BRWD1: variants seen among roughly 807,000 people sequenced by gnomAD.
The protein encoded by BRWD1 is bromodomain and WD repeat domain containing 1.
BRWD1 carries 82 observed loss-of-function variants against 251.2 expected under a neutral mutation model. The ratio of observed to expected loss-of-function variants is 0.33; its 90% confidence interval spans 0.27 to 0.39. The LOEUF is 0.39. BRWD1 is among the 10% of genes least tolerant of loss of function. The pLI, the probability that BRWD1 is intolerant of heterozygous loss-of-function variation, is 1.00. For missense variants in BRWD1, 2,233 were observed against 2,711.6 expected (o/e 0.82, Z 3.92); for synonymous variants, 918 against 902.8 (o/e 1.02, Z -0.30).
Position 39,187,440 on chromosome 21 carries a change from T to C in BRWD1, c.*8819A>G, listed in dbSNP as rs755728574. On this transcript the variant is annotated 3_prime_UTR_variant, in exon 41 of 41. Coordinates refer to ENST00000342449, the MANE Select transcript of BRWD1 (RefSeq NM_033656.4). ...ATTCTGAAAAATGAGTGAAAGTTCA[T>C]GTAAATGCAAAAATCTTGTAACACA... The C allele has an allele frequency of 1.1e-5, 17 of 1,530,330 alleles. No individual in the cohort carries two copies. In the East Asian group the frequency reaches 2.3e-4, roughly 21 times the overall value. 94.8% of individuals were successfully genotyped at this position (1,530,330 alleles called of 1,614,324 possible).
At chr21:39,259,245 T>C (rs2034661759) in intron 17 of BRWD1, among the ~76,000 whole-genome samples, 1 of 152,172 alleles carries the variant, frequency 6.6e-6, no homozygotes, top group South Asian at 2.1e-4. Flanking sequence ...CAAATTACTC[T>C]CTTAGATATG....
At chr21:39,285,979 G>A (rs182507307) in intron 8 of BRWD1, among the ~76,000 whole-genome samples, 2 of 144,626 alleles carry the variant, frequency 1.4e-5, no homozygotes, top group East Asian at 4.0e-4. Context: ...TCCTAGGGGA[G>A]ATAAAAATTC....
rs750059086 is a variant in BRWD1, at chr21:39,199,148, A to AG, written c.5267dup (p.Glu1757Ter). 203 of 1,614,088 alleles carry AG rather than the reference A, an allele frequency of 1.3e-4. No homozygotes were observed. The highest frequency in any genetic ancestry group is 2.9e-4 in the South Asian group (26 of 91,080). ...AATCATGACTTTTAGAGTCTTCCTC[A>AG]GAAGACTCTATTTTAAGAAATTTTG... is the stretch of plus-strand genomic sequence containing the variant. On this transcript the variant is annotated frameshift_variant, in exon 40 of 41. Coordinates refer to ENST00000342449, the MANE Select transcript of BRWD1 (RefSeq NM_033656.4). LOFTEE classifies it high-confidence loss of function.
chr21:39,280,015 A>G (rs918039016), intron 9 of BRWD1, 133 bp downstream of exon 9: 2 of 601,976 alleles, frequency 3.3e-6, no homozygotes, highest in African/African-American at 3.9e-5. Flanking sequence ...TGCTGTATAT[A>G]ATAAAAATTA....
upstream of BRWD1, chr21:39,314,275 G>A (rs1487862103): frequency 2.2e-6 from 1 of 455,976 alleles, no homozygotes; most frequent in South Asian, 1.5e-5. Flanking sequence ...CGGCGCTGAA[G>A]GCTGCCGAGA....
chr21:39,276,915 G>A (rs956374319), intron 11 of BRWD1, among the ~76,000 whole-genome samples: 5 of 152,110 alleles, frequency 3.3e-5, no homozygotes, highest in Non-Finnish European at 7.4e-5. Flanking sequence ...TTGCTTGTAT[G>A]CTTAAATTAA....
rs943172677 is a variant in BRWD1, at chr21:39,187,654, G to A, written c.*8605C>T. On this transcript the variant is annotated 3_prime_UTR_variant, in exon 41 of 41. Transcript: ENST00000342449. ...ACAGTAGCAGACTTGTAAGAATGGG[G>A]TGAAAAGTTCCTTCAGCATCGGCAT... 2.0e-6 allele frequency: 2 copies of A among 985,226 alleles called. No homozygotes were observed. The highest frequency in any genetic ancestry group is 1.2e-4 in the Admixed American group (2 of 16,266). The allele number at this position is 985,226 out of a possible 1,614,324, so 61.0% of individuals were successfully genotyped here.
intron 1 of BRWD1, 61 bp from the exon 2 acceptor site, chr21:39,313,360 G>A: frequency 6.8e-7 from 1 of 1,479,266 alleles, no homozygotes; most frequent in Non-Finnish European, 9.0e-7. Context: ...ACGGGGCCAG[G>A]GGAGCCGGGG....
upstream of BRWD1, chr21:39,314,282 G>A (rs1403017575): frequency 4.4e-6 from 2 of 455,852 alleles, no homozygotes; most frequent in East Asian, 6.9e-5. Context: ...GAAGGCTGCC[G>A]AGACCCAGCC....
Position 39,189,628 on chromosome 21 carries a change from G to GA in BRWD1, c.*6630dup. Reference sequence around the variant, plus strand: ...TCTTAAGTCTTAGACAATAAAACAGGAATTTCAGAGAATAAGGATAAAAAC... The same window carrying GA: ...TCTTAAGTCTTAGACAATAAAACAGGAAATTTCAGAGAATAAGGATAAAAAC... On this transcript the variant is annotated 3_prime_UTR_variant, in exon 41 of 41. Transcript: ENST00000342449. 4 of 980,782 alleles carry GA rather than the reference G, an allele frequency of 4.1e-6. No individual in the cohort carries two copies. Among genetic ancestry groups the GA allele is most frequent in the Non-Finnish European group, 4.8e-6 (4 of 825,766 alleles). 60.8% of individuals were successfully genotyped at this position (980,782 alleles called of 1,614,324 possible).
intron 20 of BRWD1, among the ~76,000 whole-genome samples, chr21:39,250,106 G>C (rs1314905498): frequency 6.6e-6 from 1 of 152,100 alleles, no homozygotes; most frequent in African/African-American, 2.4e-5. Flanking sequence ...TATATGTAGG[G>C]GACTCCCTCG....
chr21:39,251,346 T>C (rs2034386389), intron 19 of BRWD1, among the ~76,000 whole-genome samples: 1 of 152,138 alleles, frequency 6.6e-6, no homozygotes, highest in Non-Finnish European at 1.5e-5. Context: ...ACAAAAAGAT[T>C]ATGTTATTGT....
intron 37 of BRWD1, among the ~76,000 whole-genome samples, chr21:39,204,310 C>T (rs1169582376): frequency 6.6e-6 from 1 of 150,958 alleles, no homozygotes; most frequent in African/African-American, 2.4e-5. Context: ...AGTGTAGTCC[C>T]CAGAGCAACC....
At chr21:39,239,234 T>C (rs544923832) in intron 21 of BRWD1, among the ~76,000 whole-genome samples, 1 of 152,330 alleles carries the variant, frequency 6.6e-6, no homozygotes, top group South Asian at 2.1e-4. Flanking sequence ...GCTTTTGATA[T>C]TGTATCTAAA....
At chr21:39,217,867 G>A (rs1304255584) in intron 31 of BRWD1, among the ~76,000 whole-genome samples, 2 of 151,932 alleles carry the variant, frequency 1.3e-5, no homozygotes, top group African/African-American at 4.8e-5. Flanking sequence ...CATTACTAAA[G>A]TACCAGTGAA....
intron 4 of BRWD1, among the ~76,000 whole-genome samples, chr21:39,303,519 C>CAAAA (rs34013314): frequency 2.2e-5 from 2 of 91,724 alleles, no homozygotes; most frequent in Non-Finnish European, 4.0e-5. Flanking sequence ...ACTCCATCTC[C>CAAAA]AAAAAAAAAA....
chr21:39,209,893 TATTAC>T (rs2032580991), intron 36 of BRWD1, 97 bp downstream of exon 36: 3 of 1,172,834 alleles, frequency 2.6e-6, no homozygotes, highest in Non-Finnish European at 3.6e-6. Flanking sequence ...TTCTAACCTC[TATTAC>T]ACAGTGGAAA....
In BRWD1 at chr21:39,280,189, T is replaced by C. The variant is rs2035412969; in HGVS notation, c.891A>G (p.Thr297=). 1.2e-6 allele frequency: 2 copies of C among 1,607,446 alleles called. No homozygotes were observed. The highest frequency in any genetic ancestry group is 8.5e-7 in the Non-Finnish European group (1 of 1,178,130). ...CTAAATCCCATTGCCAAAAGCAAACTGTCCCATCAGCACCAGTGGAAACCA... is the reference window on the plus strand; with the variant it reads ...CTAAATCCCATTGCCAAAAGCAAACCGTCCCATCAGCACCAGTGGAAACCA... ...RYMVSTGADG[T]VCFWQWDLES... is the part of the protein sequence containing the mutation. The change falls in exon 9 of 41, where the codon ACA becomes ACG. Residue 297 remains threonine, a synonymous_variant. Coordinates refer to ENST00000342449, the MANE Select transcript of BRWD1 (RefSeq NM_033656.4).
chr21:39,301,403 A>G (rs1290112917), intron 4 of BRWD1, among the ~76,000 whole-genome samples: 1 of 152,156 alleles, frequency 6.6e-6, no homozygotes, highest in African/African-American at 2.4e-5. Flanking sequence ...TCTTTTGATA[A>G]CTCAAGCTAT....
Sources: gnomAD v4.1 joint callset for allele counts (sites outside exome capture counted in the v4.1 genomes callset) on GRCh38, gnomAD v4.1.1 for gene constraint, MANE v1.5 for transcripts, NCBI Gene and HGNC (gene_info 2026-07-23, HGNC 2026-07-21) for gene names.